The following CFB variants were observed in gnomAD, a reference collection of about 807,000 sequenced individuals.
CFB encodes the protein complement factor B.
A neutral mutation model predicts 97.2 loss-of-function variants in CFB; 59 were observed. The ratio of observed to expected loss-of-function variants is 0.61; its 90% confidence interval spans 0.49 to 0.75. The LOEUF is 0.75. Ranked by LOEUF, CFB falls within the 30% of genes least tolerant of loss-of-function variation. CFB has a pLI of 0.00. For missense variants in CFB, 771 were observed against 959.8 expected (o/e 0.80, Z 2.60); for synonymous variants, 316 against 351.7 (o/e 0.90, Z 1.14).
chr6:31,947,669 A>T lies in CFB; in HGVS notation c.659-73A>T, dbSNP rs1464385060. The T allele has an allele frequency of 4.0e-5, 63 of 1,584,684 alleles. No homozygotes were observed. The East Asian group carries it at 1.3e-3, about 34-fold the overall frequency. On this transcript the variant is annotated intron_variant, in intron 4 of 17. Coordinates refer to ENST00000425368, the MANE Select transcript of CFB (RefSeq NM_001710.6). The surrounding 1 kb of genome is among the most constrained non-coding windows in gnomAD (Gnocchi z 5.3). The stretch of plus-strand genomic sequence containing the variant: ...TGAGCCTTTTATACCCTGGAAACCC[A>T]TGATCCCCCGTCTCTTTGGTCACTG...
At chr6:31,950,237 T>A in intron 11 of CFB, 49 bp from the exon 12 acceptor site, 3 of 1,548,892 alleles carry the variant, frequency 1.9e-6, no homozygotes, top group Non-Finnish European at 2.7e-6. Flanking sequence ...CCATAAGAGA[T>A]GGTGGTTTGT....
chr6:31,952,013 G>T lies in CFB; in HGVS notation c.2278G>T (p.Asp760Tyr). The T allele has an allele frequency of 6.2e-7, 1 of 1,612,994 alleles. No individual in the cohort carries two copies. Among genetic ancestry groups the T allele is most frequent in the Non-Finnish European group, 8.5e-7 (1 of 1,180,048 alleles). The change falls in exon 18 of 18, where the codon GAT becomes TAT. Residue 760 changes from aspartate (D) to tyrosine (Y), a missense_variant. Transcript: ENST00000425368. ...PWLKEKLQDE[D>Y]LGFL is the part of the protein sequence containing the mutation. ...GCTGAAGGAGAAACTCCAAGATGAGGATTTGGGTTTTCTATAAGGGGTTTC... is the reference window on the plus strand; with the variant it reads ...GCTGAAGGAGAAACTCCAAGATGAGTATTTGGGTTTTCTATAAGGGGTTTC...
At position 31,949,574 on chromosome 6, in the gene CFB, G is replaced by A; in HGVS notation, c.1408+17G>A. ...AAATGATCGGTAGGGAGATACAAGG[G>A]AATAAAGAACACAACTCTCCTCAGG... On this transcript the variant is annotated intron_variant, in intron 10 of 17. Transcript: ENST00000425368. 6.2e-7 allele frequency: 1 copy of A among 1,612,718 alleles called. No homozygotes were observed. The highest frequency in any genetic ancestry group is 8.5e-7 in the Non-Finnish European group (1 of 1,180,000).
rs759022457 is a variant in CFB at position 31,946,286 on chromosome 6, G to A, written c.64+1G>A. The A allele has an allele frequency of 6.2e-7, 1 of 1,613,094 alleles. No homozygotes were observed. Among genetic ancestry groups the A allele is most frequent in the Non-Finnish European group, 8.5e-7 (1 of 1,180,036 alleles). Reference sequence around the variant, plus strand: ...TTTATCTTGGGCCTCTTGTCTGGAGGTAAGCGAGGGTAACCTTCCCTTCCT... The same window carrying A: ...TTTATCTTGGGCCTCTTGTCTGGAGATAAGCGAGGGTAACCTTCCCTTCCT... On this transcript the variant is annotated splice_donor_variant, in intron 1 of 17. Coordinates refer to ENST00000425368, the MANE Select transcript of CFB (RefSeq NM_001710.6). LOFTEE classifies it high-confidence loss of function. This position sits in a 1 kb window ranked among gnomAD's most constrained non-coding sequence, Gnocchi z 6.4.
At position 31,946,947 on chromosome 6, in the gene CFB, G is replaced by T; in HGVS notation, c.299-60G>T. 6.4e-7 allele frequency: 1 copy of T among 1,568,390 alleles called. No homozygotes were observed. The highest frequency in any genetic ancestry group is 8.8e-7 in the Non-Finnish European group (1 of 1,139,880). On this transcript the variant is annotated intron_variant, in intron 2 of 17. Coordinates refer to ENST00000425368, the MANE Select transcript of CFB (RefSeq NM_001710.6). The surrounding 1 kb of genome is among the most constrained non-coding windows in gnomAD (Gnocchi z 6.4). ...GTGACATGGTCTCCGAGACCAGGAG[G>T]GATACACCTAAGGCAGCCTTTCCCT...
rs1410430028 is a variant in CFB, at chr6:31,947,262, G to C, written c.484+70G>C. ...GCCCAGCCCGAGGAGTGGGCACTCG[G>C]CTCCGGACACTGTAACTCTTGCTCT... On this transcript the variant is annotated intron_variant, in intron 3 of 17. Transcript: ENST00000425368. This position sits in a 1 kb window ranked among gnomAD's most constrained non-coding sequence, Gnocchi z 5.3. 3 of 1,610,622 alleles carry C rather than the reference G, an allele frequency of 1.9e-6. No homozygotes were observed. Among genetic ancestry groups the C allele is most frequent in the Non-Finnish European group, 2.5e-6 (3 of 1,179,348 alleles).
Position 31,950,412 on chromosome 6 carries a change from G to A in CFB, c.1624+9G>A. The A allele has an allele frequency of 6.2e-7, 1 of 1,608,940 alleles. No individual in the cohort carries two copies. Among genetic ancestry groups the A allele is most frequent in the Non-Finnish European group, 8.5e-7 (1 of 1,177,306 alleles). On this transcript the variant is annotated intron_variant, in intron 12 of 17. Coordinates refer to ENST00000425368, the MANE Select transcript of CFB (RefSeq NM_001710.6). ...AATCAAGGTCAGCGTAGGTAAGGAT[G>A]CAACTGAAGGTCCTGGGCTGCACCT...
Position 31,946,853 on chromosome 6 carries a change from G to A in CFB, c.299-154G>A. On this transcript the variant is annotated intron_variant, in intron 2 of 17. Coordinates refer to ENST00000425368, the MANE Select transcript of CFB (RefSeq NM_001710.6). This position sits in a 1 kb window ranked among gnomAD's most constrained non-coding sequence, Gnocchi z 6.4. Reference sequence around the variant, plus strand: ...TCAGAAATGGGGAGGGAGAAGCAGTGGAAATCCATATGGGTTGAGGAGTAG... The same window carrying A: ...TCAGAAATGGGGAGGGAGAAGCAGTAGAAATCCATATGGGTTGAGGAGTAG... The A allele has an allele frequency of 1.2e-6, 1 of 848,872 alleles. No homozygotes were observed. Among genetic ancestry groups the A allele is most frequent in the Non-Finnish European group, 1.9e-6 (1 of 517,722 alleles). The allele number at this position is 848,872 out of a possible 1,614,324, so 52.6% of individuals were successfully genotyped here.
In CFB at chr6:31,950,641, G is replaced by T. The variant is rs771770314; in HGVS notation, c.1647G>T (p.Glu549Asp). 1 of 1,613,088 alleles carries T rather than the reference G, an allele frequency of 6.2e-7. No individual in the cohort carries two copies. ...VSVGGEKRDL[E>D]IEVVLFHPNY... Reference sequence around the variant, plus strand: ...CAGGAGGGGAGAAGCGGGACCTGGAGATAGAAGTAGTCCTATTTCACCCCA... The same window carrying T: ...CAGGAGGGGAGAAGCGGGACCTGGATATAGAAGTAGTCCTATTTCACCCCA... The change falls in exon 13 of 18, where the codon GAG (glutamate) becomes GAT (aspartate). Residue 549 changes from glutamate (E) to aspartate (D), a missense_variant. Transcript: ENST00000425368.
In CFB at chr6:31,949,085, T is replaced by C. The variant is rs1487572844; in HGVS notation, c.1168+124T>C. The C allele has an allele frequency of 1.3e-5, 19 of 1,480,874 alleles. No individual in the cohort carries two copies. The Admixed American group carries it at 3.2e-4, about 25-fold the overall frequency. The allele number at this position is 1,480,874 out of a possible 1,614,324, so 91.7% of individuals were successfully genotyped here. Reference sequence around the variant, plus strand: ...CTGAATGTGACTCATAGCTGGCTGTTCATCTCTCCTGTGACCCTTCATAAG... The same window carrying C: ...CTGAATGTGACTCATAGCTGGCTGTCCATCTCTCCTGTGACCCTTCATAAG... On this transcript the variant is annotated intron_variant, in intron 8 of 17. Coordinates refer to ENST00000425368, the MANE Select transcript of CFB (RefSeq NM_001710.6).
Position 31,952,071 on chromosome 6 carries a change from C to G in CFB, c.*41C>G, listed in dbSNP as rs772962134. The G allele has an allele frequency of 5.6e-6, 9 of 1,609,462 alleles. No individual in the cohort carries two copies. Among genetic ancestry groups the G allele is most frequent in the Non-Finnish European group, 7.6e-6 (9 of 1,179,128 alleles). On this transcript the variant is annotated 3_prime_UTR_variant, in exon 18 of 18. Transcript: ENST00000425368. ...ACAGGGGCGTGGGATTGAATTAAAA[C>G]AGCTGCGACAACACCTGTGTTCCAG...
chr6:31,951,335 C>T lies in CFB; in HGVS notation c.1957-6C>T. On this transcript the variant is annotated splice_polypyrimidine_tract_variant and splice_region_variant and intron_variant, in intron 15 of 17. Coordinates refer to ENST00000425368, the MANE Select transcript of CFB (RefSeq NM_001710.6). The surrounding 1 kb of genome is among the most constrained non-coding windows in gnomAD (Gnocchi z 4.3). ...TACTTCTCCATGCTTCCCACCTCCC[C>T]TACAGAAAGGCAGCTGTGAGAGAGA... 12 of 1,614,146 alleles carry T rather than the reference C, an allele frequency of 7.4e-6. No homozygotes were observed. Among genetic ancestry groups the T allele is most frequent in the Non-Finnish European group, 8.5e-6 (10 of 1,180,018 alleles).
In CFB at chr6:31,947,597, C is replaced by A; in HGVS notation, c.658+76C>A. 6.3e-7 allele frequency: 1 copy of A among 1,599,040 alleles called. No homozygotes were observed. The highest frequency in any genetic ancestry group is 1.1e-5 in the South Asian group (1 of 90,812). ...GTCTTCTCTCCCCACCTCAACCCTG[C>A]TCTTTCCTCACTTTGTTTAAACCTC... On this transcript the variant is annotated intron_variant, in intron 4 of 17. Transcript: ENST00000425368. The surrounding 1 kb of genome is among the most constrained non-coding windows in gnomAD (Gnocchi z 5.3).
Position 31,950,631 on chromosome 6 carries a change from G to A in CFB, c.1637G>A (p.Arg546Gln), listed in dbSNP as rs769826070. 5.6e-6 allele frequency: 9 copies of A among 1,612,904 alleles called. No homozygotes were observed. The highest frequency in any genetic ancestry group is 2.7e-5 in the African/African-American group (2 of 74,916). Reference protein sequence around the residue: ...SIKVSVGGEKRDLEIEVVLFH... With the variant: ...SIKVSVGGEKQDLEIEVVLFH... ...TCTCCTACTTCAGGAGGGGAGAAGC[G>A]GGACCTGGAGATAGAAGTAGTCCTA... is the stretch of plus-strand genomic sequence containing the variant. The change falls in exon 13 of 18, where the codon CGG (arginine) becomes CAG (glutamine). Residue 546 changes from arginine to glutamine, a missense_variant. Arg to Gln is a conservative substitution (Grantham distance 43). Transcript: ENST00000425368.
In CFB at chr6:31,951,900, TG is replaced by T; in HGVS notation, c.2167del (p.Asp723MetfsTer30). 1 of 1,613,104 alleles carries T rather than the reference TG, an allele frequency of 6.2e-7. No homozygotes were observed. The highest frequency in any genetic ancestry group is 8.5e-7 in the Non-Finnish European group (1 of 1,180,024). On this transcript the variant is annotated frameshift_variant, in exon 18 of 18. Transcript: ENST00000425368. LOFTEE classifies it high-confidence loss of function. This position sits in a 1 kb window ranked among gnomAD's most constrained non-coding sequence, Gnocchi z 4.3. ...GTTGGTGTAATCAGCTGGGGAGTAG[TG>T]GATGTCTGCAAAAACCAGAAGCGGC... ...IQVGVISWGV[V>X]DVCKNQKRQK...
intron 6 of CFB, 112 bp from the exon 7 acceptor site, chr6:31,948,262 C>A: frequency 6.5e-7 from 1 of 1,534,396 alleles, no homozygotes; most frequent in Non-Finnish European, 9.0e-7. Flanking sequence ...CCATGAACCT[C>A]AGCCCTTGAG....
In CFB at chr6:31,947,136, G is replaced by GC. The variant is rs758080416; in HGVS notation, c.429dup (p.Thr144HisfsTer16). ...TACACTCTCCGGGGCTCTGCCAATC[G>GC]CACCTGCCAAGTGAATGGCCGATGG... On this transcript the variant is annotated frameshift_variant, in exon 3 of 18. Coordinates refer to ENST00000425368, the MANE Select transcript of CFB (RefSeq NM_001710.6). LOFTEE classifies it high-confidence loss of function. This position sits in a 1 kb window ranked among gnomAD's most constrained non-coding sequence, Gnocchi z 5.3. 1 of 1,612,986 alleles carries GC rather than the reference G, an allele frequency of 6.2e-7. No homozygotes were observed.
At position 31,946,496 on chromosome 6, in the gene CFB, C is replaced by T; in HGVS notation, c.188C>T (p.Pro63Leu). 6.2e-7 allele frequency: 1 copy of T among 1,613,088 alleles called. No individual in the cohort carries two copies. The highest frequency in any genetic ancestry group is 1.3e-5 in the African/African-American group (1 of 75,062). The change falls in exon 2 of 18, where the codon CCT becomes CTT. Residue 63 changes from proline (P) to leucine (L), a missense_variant. By Grantham distance (98) the Pro-to-Leu change is moderately conservative (BLOSUM62 -3). Transcript: ENST00000425368. The surrounding 1 kb of genome is among the most constrained non-coding windows in gnomAD (Gnocchi z 6.4). The part of the protein sequence containing the change: ...QEGQALEYVC[P>L]SGFYPYPVQT... ...GGCCAGGCACTGGAGTACGTGTGTCCTTCTGGCTTCTACCCGTACCCTGTG... is the reference window on the plus strand; with the variant it reads ...GGCCAGGCACTGGAGTACGTGTGTCTTTCTGGCTTCTACCCGTACCCTGTG...
chr6:31,948,572 G>A, intron 7 of CFB, 60 bp downstream of exon 7: 1 of 1,609,150 alleles, frequency 6.2e-7, no homozygotes, highest in East Asian at 2.2e-5. Context: ...AGGGTGGAGG[G>A]GGTCATGAGA....
Sources: gnomAD v4.1 joint callset for allele counts on GRCh38, gnomAD v4.1.1 for gene constraint, Gnocchi (gnomAD v3.1) non-coding constraint, MANE v1.5 for transcripts, NCBI Gene and HGNC (gene_info 2026-07-23, HGNC 2026-07-21) for gene names.